The following DENND5A variants were observed in gnomAD, a reference collection of about 807,000 sequenced individuals.
The protein encoded by DENND5A is DENN domain containing 5A.
In DENND5A, 64 loss-of-function variants were observed where a neutral mutation model predicts 140.3. That is an observed-to-expected ratio of 0.46 (90% CI 0.37 to 0.56). The LOEUF is 0.56. Among genes scored for constraint, DENND5A ranks in the 20% least tolerant of loss-of-function variants. DENND5A has a pLI of 0.00. For missense variants in DENND5A, 1,292 were observed against 1,593.8 expected (o/e 0.81, Z 3.22); for synonymous variants, 605 against 607.7 (o/e 1.00, Z 0.07).
At chr11:9,164,062 T>TG (rs1848091124) in intron 11 of DENND5A, among the ~76,000 whole-genome samples, 1 of 77,370 alleles carries the variant, frequency 1.3e-5, no homozygotes, top group Non-Finnish European at 2.6e-5. Flanking sequence ...TCAGGTTTTT[T>TG]TTTTTTTTTT....
chr11:9,242,859 G>A (rs1245320017), intron 1 of DENND5A: 1 of 151,988 alleles, frequency 6.6e-6, no homozygotes, highest in Non-Finnish European at 1.5e-5. Flanking sequence ...GGAGGCCGAG[G>A]CGGGTGGATA....
intron 1 of DENND5A, among the ~76,000 whole-genome samples, chr11:9,233,227 C>T (rs187468085): frequency 1.8e-4 from 28 of 152,088 alleles, no homozygotes; most frequent in Admixed American, 7.9e-4. Context: ...CGTGAAACCT[C>T]GCCTCTACTA....
At chr11:9,215,162 C>T (rs1850040944) in intron 1 of DENND5A, among the ~76,000 whole-genome samples, 1 of 152,320 alleles carries the variant, frequency 6.6e-6, no homozygotes, top group Middle Eastern at 3.4e-3. Flanking sequence ...TTTCTCAATA[C>T]ATTTACTTTG....
chr11:9,255,007 G>A (rs1851884959), intron 1 of DENND5A, among the ~76,000 whole-genome samples: 1 of 151,994 alleles, frequency 6.6e-6, no homozygotes, highest in Admixed American at 6.6e-5. Context: ...GGAGGCAGAG[G>A]TTGCAGTGAG....
Position 9,178,840 on chromosome 11 carries a change from A to C in DENND5A, c.1671+18T>G. 2.5e-6 allele frequency: 4 copies of C among 1,603,638 alleles called. No individual in the cohort carries two copies. The highest frequency in any genetic ancestry group is 1.7e-4 in the Middle Eastern group (1 of 6,042). The stretch of plus-strand genomic sequence containing the variant: ...AAGTTCTCATTCCTCACCACCTCCC[A>C]AGCAGGATTACACTCACTTTATCAA... On this transcript the variant is annotated intron_variant, in intron 7 of 22. Transcript: ENST00000328194.
intron 1 of DENND5A, among the ~76,000 whole-genome samples, chr11:9,262,859 A>G (rs1852265476): frequency 6.6e-6 from 1 of 151,920 alleles, no homozygotes; most frequent in African/African-American, 2.4e-5. Flanking sequence ...CTCCTGCCTC[A>G]GCCTCCTGAG....
intron 21 of DENND5A, 117 bp downstream of exon 21, chr11:9,142,603 ATC>A: frequency 7.7e-7 from 1 of 1,294,954 alleles, no homozygotes; most frequent in Non-Finnish European, 1.1e-6. Context: ...AACAAATGAG[ATC>A]TGAGAGTCAC....
intron 1 of DENND5A, among the ~76,000 whole-genome samples, chr11:9,249,419 G>A (rs1325356499): frequency 6.6e-6 from 1 of 152,160 alleles, no homozygotes; most frequent in Non-Finnish European, 1.5e-5. Context: ...AGGCTGGAAT[G>A]CAGTGGCTCA....
At chr11:9,151,743 A>C (rs1236690127) in intron 13 of DENND5A, among the ~76,000 whole-genome samples, 2 of 152,240 alleles carry the variant, frequency 1.3e-5, no homozygotes, top group Non-Finnish European at 2.9e-5. Flanking sequence ...AGCAGGAGAT[A>C]AGATGACTGG....
rs118098395 is a variant in DENND5A, at chr11:9,239,958, A to G, written c.109+25003T>C. Among the ~76,000 whole-genome samples, 142 of 152,342 alleles carry G rather than the reference A, an allele frequency of 9.3e-4. 2 individuals are homozygous for G. The East Asian group carries it at 0.026, about 28-fold the overall frequency. On this transcript the variant is annotated intron_variant, in intron 1 of 22. Transcript: ENST00000328194. ...TATTAAGTGATTATTAAATTAATCA[A>G]TGAATAAATCATAGAGATTATGTTT...
chr11:9,181,232 A>G (rs1164272783), intron 5 of DENND5A, 148 bp from the exon 6 acceptor site: 9 of 681,160 alleles, frequency 1.3e-5, no homozygotes, highest in Non-Finnish European at 2.0e-5. Context: ...GGGCTCAGAA[A>G]TAAGACAGAC....
chr11:9,154,631 A>T (rs147904224), intron 12 of DENND5A, among the ~76,000 whole-genome samples: 10 of 152,266 alleles, frequency 6.6e-5, no homozygotes, highest in African/African-American at 2.2e-4. Context: ...CAAAATTCAT[A>T]AACTTAAAAC....
At chr11:9,196,554 G>A (rs2136200469) in intron 4 of DENND5A, among the ~76,000 whole-genome samples, 1 of 152,202 alleles carries the variant, frequency 6.6e-6, no homozygotes, top group East Asian at 1.9e-4. Flanking sequence ...CTAATGCTGT[G>A]AATTTCTACC....
chr11:9,222,512 T>C (rs1044733090), intron 1 of DENND5A, among the ~76,000 whole-genome samples: 8 of 152,202 alleles, frequency 5.3e-5, no homozygotes, highest in African/African-American at 1.9e-4. Context: ...CTTTTTTATA[T>C]GAAGTTGCTT....
intron 5 of DENND5A, among the ~76,000 whole-genome samples, chr11:9,185,175 T>C (rs1848867888): frequency 1.3e-5 from 2 of 152,152 alleles, no homozygotes; most frequent in African/African-American, 4.8e-5. Flanking sequence ...TGGGCGACAG[T>C]GTGAGACTCT....
At chr11:9,228,520 A>G (rs76501462) in intron 1 of DENND5A, among the ~76,000 whole-genome samples, 7 of 152,176 alleles carry the variant, frequency 4.6e-5, no homozygotes, top group Non-Finnish European at 8.8e-5. Context: ...AGGCCAACGC[A>G]GGTAGATCAC....
intron 1 of DENND5A, among the ~76,000 whole-genome samples, chr11:9,231,928 T>C (rs1850789469): frequency 6.6e-6 from 1 of 152,084 alleles, no homozygotes; most frequent in Non-Finnish European, 1.5e-5. Flanking sequence ...TTAAAAGCAC[T>C]GTATTGGTCA....
intron 8 of DENND5A, 52 bp from the exon 9 acceptor site, chr11:9,170,829 C>T (rs767464152): frequency 6.3e-7 from 1 of 1,593,264 alleles, no homozygotes; most frequent in Non-Finnish European, 8.6e-7. Context: ...TAAATACACA[C>T]ACAAATAAAT....
intron 8 of DENND5A, among the ~76,000 whole-genome samples, chr11:9,172,859 G>T (rs149213703): frequency 6.6e-6 from 1 of 151,748 alleles, no homozygotes; most frequent in Non-Finnish European, 1.5e-5. Flanking sequence ...TCTGTCGCCC[G>T]GGCTAGAGTG....
Sources: allele counts gnomAD v4.1 joint callset (sites outside exome capture counted in the v4.1 genomes callset), GRCh38; gene constraint gnomAD v4.1.1; transcripts MANE v1.5; gene names NCBI Gene and HGNC (gene_info 2026-07-23, HGNC 2026-07-21).